The following LRRC4C variants were observed in gnomAD, a reference collection of about 807,000 sequenced individuals.
LRRC4C encodes leucine rich repeat containing 4C, also known as leucine-rich repeat-containing protein 4C.
A neutral mutation model predicts 33.6 loss-of-function variants in LRRC4C; 5 were observed. The observed-to-expected ratio is 0.15, with a 90% CI of 0.08 to 0.31. LRRC4C has a LOEUF of 0.31. Ranked by LOEUF, LRRC4C falls within the 10% of genes least tolerant of loss-of-function variation. The pLI is 1.00. For missense variants in LRRC4C, 560 were observed against 796.7 expected, an observed-to-expected ratio of 0.70 and a Z score of 3.58; for synonymous variants, 329 against 302.0, an observed-to-expected ratio of 1.09 and a Z score of -0.93.
At chr11:40,952,960 A>G (rs1379726370) in intron 1 of LRRC4C, among the ~76,000 whole-genome samples, 3 of 149,048 alleles carry the variant, frequency 2.0e-5, no homozygotes, top group Non-Finnish European at 4.4e-5. Context: ...TTTGAAACCT[A>G]TTTGGCCCCT....
In LRRC4C at chr11:41,437,599, G is replaced by A. The variant is rs562117196; in HGVS notation, c.-496+21832C>T. Among the ~76,000 whole-genome samples the A allele has an allele frequency of 3.2e-4, 48 of 152,286 alleles. 1 individual carries two copies. The South Asian group carries it at 9.9e-3, about 32-fold the overall frequency. On this transcript the variant is annotated intron_variant, in intron 1 of 6. Transcript: ENST00000528697. The stretch of plus-strand genomic sequence containing the variant: ...TTTTCTAACCCTTGTTTTCCAAAAT[G>A]CTTCTGCCCCATTCCAATGTCTTTG...
chr11:41,364,876 T>G (rs1211233909), intron 1 of LRRC4C, among the ~76,000 whole-genome samples: 4 of 152,162 alleles, frequency 2.6e-5, no homozygotes, highest in Non-Finnish European at 5.9e-5. Context: ...TTTCAACCCT[T>G]TAACATGGCT....
chr11:40,422,186 C>T (rs766018380), intron 3 of LRRC4C, among the ~76,000 whole-genome samples: 1 of 152,082 alleles, frequency 6.6e-6, no homozygotes, highest in African/African-American at 2.4e-5. Flanking sequence ...ATTTATAAGT[C>T]CTCACCGTAA....
At chr11:41,136,823 A>G (rs1252275566) in intron 1 of LRRC4C, among the ~76,000 whole-genome samples, 1 of 152,186 alleles carries the variant, frequency 6.6e-6, no homozygotes, top group Admixed American at 6.5e-5. Context: ...GCCACTGCCT[A>G]TAAGGAATTG....
chr11:40,881,985 G>GT (rs1486134468), intron 2 of LRRC4C, among the ~76,000 whole-genome samples: 1 of 151,668 alleles, frequency 6.6e-6, no homozygotes, highest in Admixed American at 6.6e-5. Flanking sequence ...AAGTCAGCAG[G>GT]TTTTTTTTCT....
chr11:41,131,002 C>T (rs575435443), intron 1 of LRRC4C, among the ~76,000 whole-genome samples: 1 of 151,960 alleles, frequency 6.6e-6, no homozygotes, highest in South Asian at 2.1e-4. Flanking sequence ...TATATATTTA[C>T]AATAACAGGA....
intron 1 of LRRC4C, among the ~76,000 whole-genome samples, chr11:41,068,714 C>G (rs1429779699): frequency 6.6e-6 from 1 of 151,938 alleles, no homozygotes; most frequent in African/African-American, 2.4e-5. Context: ...AAGTCAAATC[C>G]CTGAATAGAC....
At chr11:40,986,321 T>A (rs1035261452) in intron 1 of LRRC4C, among the ~76,000 whole-genome samples, 1 of 152,110 alleles carries the variant, frequency 6.6e-6, no homozygotes, top group Non-Finnish European at 1.5e-5. Context: ...GGGCTGGGTC[T>A]GTGTAGTGGC....
At chr11:40,371,634 A>C (rs941699040) in intron 3 of LRRC4C, among the ~76,000 whole-genome samples, 1 of 152,216 alleles carries the variant, frequency 6.6e-6, no homozygotes, top group African/African-American at 2.4e-5. Flanking sequence ...TTGAGCCAAC[A>C]ACTAATGGCC....
rs555593207 is a variant in LRRC4C at position 40,289,216 on chromosome 11, T to A, written c.-176+30412A>T. Among the ~76,000 whole-genome samples the A allele has an allele frequency of 3.9e-4, 59 of 152,314 alleles. 1 individual carries two copies. In the South Asian group the frequency reaches 0.012, roughly 32 times the overall value. ...ACTGTTAAAGTGCTTAGCCAGATTG[T>A]TATTCATTCTCAGGAAATTAATACA... On this transcript the variant is annotated intron_variant, in intron 4 of 6. Coordinates refer to ENST00000528697, the MANE Select transcript of LRRC4C (RefSeq NM_001258419.2).
intron 2 of LRRC4C, among the ~76,000 whole-genome samples, chr11:40,926,777 T>TA (rs1344580087): frequency 6.6e-6 from 1 of 151,954 alleles, no homozygotes; most frequent in Non-Finnish European, 1.5e-5. Flanking sequence ...ATGCAAACCT[T>TA]AAAAGTTAAA....
At chr11:41,393,091 G>C (rs1953669072) in intron 1 of LRRC4C, among the ~76,000 whole-genome samples, 1 of 151,870 alleles carries the variant, frequency 6.6e-6, no homozygotes, top group East Asian at 1.9e-4. Context: ...AAGTTAGTTT[G>C]CTAGGACATA....
chr11:41,278,506 A>G (rs1949553058), intron 1 of LRRC4C, among the ~76,000 whole-genome samples: 1 of 152,230 alleles, frequency 6.6e-6, no homozygotes, highest in Admixed American at 6.5e-5. Context: ...ATTCATGTCA[A>G]TTTAAATCGA....
At chr11:41,207,426 T>C (rs893756400) in intron 1 of LRRC4C, among the ~76,000 whole-genome samples, 1 of 152,176 alleles carries the variant, frequency 6.6e-6, no homozygotes, top group Admixed American at 6.5e-5. Context: ...AGAAATTCAT[T>C]TATTGAAACT....
intron 3 of LRRC4C, among the ~76,000 whole-genome samples, chr11:40,354,102 C>T (rs1947545332): frequency 6.6e-6 from 1 of 152,196 alleles, no homozygotes; most frequent in African/African-American, 2.4e-5. Flanking sequence ...TTCTGTGACT[C>T]TTGCAGACTC....
At chr11:41,374,163 T>C (rs1437396902) in intron 1 of LRRC4C, among the ~76,000 whole-genome samples, 5 of 152,176 alleles carry the variant, frequency 3.3e-5, no homozygotes, top group Admixed American at 1.3e-4. Context: ...CCTTCTTTAA[T>C]TGAATTCCTT....
intron 2 of LRRC4C, among the ~76,000 whole-genome samples, chr11:40,867,991 C>T (rs1447086256): frequency 6.6e-6 from 1 of 152,258 alleles, no homozygotes; most frequent in Admixed American, 6.5e-5. Context: ...AAAAGCAGAT[C>T]CCTGTGGCTG....
chr11:40,754,452 C>T (rs1377066694), intron 2 of LRRC4C, among the ~76,000 whole-genome samples: 1 of 152,012 alleles, frequency 6.6e-6, no homozygotes. Context: ...TATTTAGGCC[C>T]CTAAGCTGGG....
At position 40,741,615 on chromosome 11, in the gene LRRC4C, T is replaced by C. The variant is rs543445117; in HGVS notation, c.-406-93337A>G. On this transcript the variant is annotated intron_variant, in intron 2 of 6. Transcript: ENST00000528697. The stretch of plus-strand genomic sequence containing the variant: ...ACCTTCTTACAGCACTACTCATTGA[T>C]TCATGACTTTATTTTTGGCACAGAG... Among the ~76,000 whole-genome samples the C allele has an allele frequency of 6.6e-5, 10 of 152,230 alleles. No individual in the cohort carries two copies. The South Asian group carries it at 2.1e-3, about 32-fold the overall frequency.
Sources: allele counts gnomAD v4.1 joint callset (sites outside exome capture counted in the v4.1 genomes callset), GRCh38; gene constraint gnomAD v4.1.1; transcripts MANE v1.5; gene names NCBI Gene and HGNC (gene_info 2026-07-23, HGNC 2026-07-21).